Variants in AGBL4 observed in about 807,000 individuals in gnomAD.
The protein encoded by AGBL4 is cytosolic carboxypeptidase 6.
Under a neutral mutation model 66.4 loss-of-function variants are expected in AGBL4, and 58 were observed. The ratio of observed to expected loss-of-function variants is 0.87; its 90% CI spans 0.71 to 1.09. The LOEUF is 1.09. Among genes scored for constraint, AGBL4 ranks in the 50% least tolerant of loss-of-function variants. The pLI is 0.00. For synonymous variants in AGBL4, 234 were observed against 222.9 expected (o/e 1.05, Z -0.44); for missense variants, 579 against 631.0 (o/e 0.92, Z 0.88).
chr1:48,916,586 A>G (rs898909473), intron 5 of AGBL4, among the ~76,000 whole-genome samples: 7 of 151,788 alleles, frequency 4.6e-5, no homozygotes, highest in Non-Finnish European at 7.4e-5. Flanking sequence ...CTTGCATTTG[A>G]TGTTTCCTTG....
At chr1:48,632,713 C>T (rs1033142618) in intron 9 of AGBL4, among the ~76,000 whole-genome samples, 11 of 152,194 alleles carry the variant, frequency 7.2e-5, no homozygotes, top group Non-Finnish European at 4.4e-5. Flanking sequence ...TTCAACTCAA[C>T]ATGCAGTTAT....
At chr1:48,669,686 T>C (rs1004762327) in intron 6 of AGBL4, among the ~76,000 whole-genome samples, 1 of 152,182 alleles carries the variant, frequency 6.6e-6, no homozygotes, top group Non-Finnish European at 1.5e-5. Flanking sequence ...CAGACCACTG[T>C]GTCCTCACCC....
At chr1:49,510,089 G>C (rs1649070940) in intron 3 of AGBL4, among the ~76,000 whole-genome samples, 1 of 151,914 alleles carries the variant, frequency 6.6e-6, no homozygotes, top group South Asian at 2.1e-4. Context: ...AGGGTAAGTA[G>C]CTCAGGACAT....
intron 2 of AGBL4, among the ~76,000 whole-genome samples, chr1:49,757,174 T>C (rs182099520): frequency 3.9e-5 from 6 of 152,288 alleles, no homozygotes; most frequent in African/African-American, 1.4e-4. Context: ...TTCTCTCTCC[T>C]GCTATCATGT....
intron 6 of AGBL4, among the ~76,000 whole-genome samples, chr1:48,784,641 C>T (rs1401554237): frequency 2.0e-5 from 3 of 152,090 alleles, no homozygotes; most frequent in Non-Finnish European, 4.4e-5. Flanking sequence ...AGTGTAGAAG[C>T]GTTTACAGCA....
intron 2 of AGBL4, among the ~76,000 whole-genome samples, chr1:49,778,477 T>A (rs2147898920): frequency 6.6e-6 from 1 of 152,262 alleles, no homozygotes; most frequent in African/African-American, 2.4e-5. Flanking sequence ...ATGGAGAATT[T>A]CATCCCTAAT....
chr1:48,702,461 T>C (rs1646817391), intron 6 of AGBL4, among the ~76,000 whole-genome samples: 1 of 151,982 alleles, frequency 6.6e-6, no homozygotes, highest in Admixed American at 6.6e-5. Flanking sequence ...CTAGCTAATT[T>C]TTATATTTTT....
chr1:49,514,312 A>G (rs1649561488), intron 3 of AGBL4, among the ~76,000 whole-genome samples: 1 of 152,012 alleles, frequency 6.6e-6, no homozygotes, highest in Non-Finnish European at 1.5e-5. Context: ...TTCAAAGGGA[A>G]TGCTTCCAAC....
intron 5 of AGBL4, among the ~76,000 whole-genome samples, chr1:49,042,544 G>A (rs1643970774): frequency 6.6e-6 from 1 of 152,126 alleles, no homozygotes; most frequent in South Asian, 2.1e-4. Flanking sequence ...CCACAGAACT[G>A]CTTCTTCTTT....
intron 5 of AGBL4, among the ~76,000 whole-genome samples, chr1:49,034,351 T>G (rs975663494): frequency 1.3e-5 from 2 of 152,142 alleles, no homozygotes; most frequent in Non-Finnish European, 2.9e-5. Context: ...CATACATGAC[T>G]TATATTACTG....
intron 4 of AGBL4, among the ~76,000 whole-genome samples, chr1:49,144,611 C>G (rs1233904342): frequency 6.6e-6 from 1 of 151,880 alleles, no homozygotes; most frequent in East Asian, 1.9e-4. Context: ...GTTCTAGTGA[C>G]CCTGATATGG....
chr1:49,867,313 C>A (rs1023806989), intron 1 of AGBL4, among the ~76,000 whole-genome samples: 3 of 148,992 alleles, frequency 2.0e-5, no homozygotes, highest in Non-Finnish European at 3.0e-5. Flanking sequence ...TCCTTTTGGG[C>A]TTCTTTTATA....
intron 6 of AGBL4, among the ~76,000 whole-genome samples, chr1:48,751,006 C>T (rs529033096): frequency 6.6e-6 from 1 of 152,334 alleles, no homozygotes; most frequent in East Asian, 1.9e-4. Flanking sequence ...TGGCTGAACA[C>T]AAACCTTCCA....
chr1:49,837,365 C>T lies in AGBL4; in HGVS notation c.157+14031G>A, dbSNP rs557525802. Among the ~76,000 whole-genome samples, 47 of 152,278 alleles carry T rather than the reference C, an allele frequency of 3.1e-4. 2 individuals are homozygous for T. In the South Asian group the frequency reaches 8.7e-3, roughly 28 times the overall value. ...AGCTTTGTTTATACTGTGAGGGGAC[C>T]AGAACCCTCTTTCCAAAATCTGTGT... On this transcript the variant is annotated intron_variant, in intron 2 of 13. Coordinates refer to ENST00000371839, the MANE Select transcript of AGBL4 (RefSeq NM_032785.4).
chr1:49,039,498 C>T (rs78425340), intron 5 of AGBL4, among the ~76,000 whole-genome samples: 6,698 of 151,932 alleles, frequency 0.044, 214 homozygotes, highest in East Asian at 0.12. Flanking sequence ...AAACTAAAAC[C>T]GTTCTAAAAA....
At chr1:49,153,498 G>T (rs1409413276) in intron 4 of AGBL4, among the ~76,000 whole-genome samples, 1 of 152,062 alleles carries the variant, frequency 6.6e-6, no homozygotes, top group Non-Finnish European at 1.5e-5. Flanking sequence ...GGAAAAGAGA[G>T]AATTTCTCTA....
At chr1:49,590,535 C>T (rs1277188180) in intron 3 of AGBL4, among the ~76,000 whole-genome samples, 6 of 151,996 alleles carry the variant, frequency 3.9e-5, no homozygotes, top group African/African-American at 1.4e-4. Flanking sequence ...TAGAAAACAT[C>T]AGCAAAGTTA....
intron 4 of AGBL4, among the ~76,000 whole-genome samples, chr1:49,124,172 T>A (rs1645719043): frequency 6.6e-6 from 1 of 152,072 alleles, no homozygotes; most frequent in African/African-American, 2.4e-5. Flanking sequence ...ATAAACAAAA[T>A]ACATATATAA....
At chr1:48,888,306 C>A (rs923375809) in intron 5 of AGBL4, among the ~76,000 whole-genome samples, 1 of 152,124 alleles carries the variant, frequency 6.6e-6, no homozygotes, top group Admixed American at 6.5e-5. Context: ...TACTTTCTGA[C>A]CCAGGGAGAA....
Sources: allele counts gnomAD v4.1 joint callset (sites outside exome capture counted in the v4.1 genomes callset), GRCh38; gene constraint gnomAD v4.1.1; transcripts MANE v1.5; gene names NCBI Gene and HGNC (gene_info 2026-07-23, HGNC 2026-07-21).